Variants in EYS observed in about 807,000 individuals in gnomAD.
EYS encodes the protein protein eyes shut homolog.
A neutral mutation model predicts 282.1 loss-of-function variants in EYS; 250 were observed. The observed-to-expected ratio is 0.89, with a 90% CI of 0.80 to 0.98. The LOEUF is 0.98. Among genes scored for constraint, EYS ranks in the 50% least tolerant of loss-of-function variants. EYS has a pLI of 0.00. For missense variants in EYS, 4,016 were observed against 3,709.0 expected, an observed-to-expected ratio of 1.08 and a Z score of -2.15; for synonymous variants, 1,355 against 1,282.9, an observed-to-expected ratio of 1.06 and a Z score of -1.20.
At chr6:64,778,511 C>A (rs1773750648) in intron 22 of EYS, among the ~76,000 whole-genome samples, 1 of 152,168 alleles carries the variant, frequency 6.6e-6, no homozygotes, top group Non-Finnish European at 1.5e-5. Flanking sequence ...TGGAATACAA[C>A]TAAGAGAGCT....
At position 65,017,818 on chromosome 6, in the gene EYS, A is replaced by T. The variant is rs191716804; in HGVS notation, c.2138-20115T>A. On this transcript the variant is annotated intron_variant, in intron 13 of 42. Coordinates refer to ENST00000503581, the MANE Select transcript of EYS (RefSeq NM_001142800.2). Reference sequence around the variant, plus strand: ...GCTTTAGCTTTATTTGTAATAGGTAATGTTATTACCTTTTAGATAACAATT... The same window carrying T: ...GCTTTAGCTTTATTTGTAATAGGTATTGTTATTACCTTTTAGATAACAATT... Among the ~76,000 whole-genome samples the T allele has an allele frequency of 5.1e-3, 771 of 152,260 alleles. 13 individuals carry two copies. The South Asian group carries it at 0.059, about 12-fold the overall frequency.
intron 35 of EYS, among the ~76,000 whole-genome samples, chr6:63,924,892 T>C (rs1360291609): frequency 6.6e-6 from 1 of 152,214 alleles, no homozygotes; most frequent in Non-Finnish European, 1.5e-5. Flanking sequence ...GGATCATCAC[T>C]ATGTTTGTTG....
At chr6:65,198,365 CTAAAG>C (rs1765820536) in intron 12 of EYS, among the ~76,000 whole-genome samples, 1 of 152,102 alleles carries the variant, frequency 6.6e-6, no homozygotes, top group Non-Finnish European at 1.5e-5. Context: ...AGAATATACT[CTAAAG>C]TAACAATAAA....
chr6:64,167,424 A>T (rs1484766017), intron 31 of EYS, among the ~76,000 whole-genome samples: 1 of 152,222 alleles, frequency 6.6e-6, no homozygotes, highest in Admixed American at 6.5e-5. Context: ...CAATGCCAAT[A>T]TTCAGAATAG....
chr6:63,736,342 G>A lies in EYS; in HGVS notation c.8072-9662C>T, dbSNP rs1677789854. Among the ~76,000 whole-genome samples the A allele has an allele frequency of 2.0e-5, 3 of 152,050 alleles. 1 individual carries two copies. The South Asian group carries it at 6.2e-4, about 32-fold the overall frequency. On this transcript the variant is annotated intron_variant, in intron 41 of 42. Transcript: ENST00000503581. The stretch of plus-strand genomic sequence containing the variant: ...TTCCCAGCACCATTTATTAAATAGG[G>A]AATCCTTTCCCCATTGCTTGTTTTT...
At chr6:65,597,219 A>C (rs546536067) in intron 2 of EYS, among the ~76,000 whole-genome samples, 8 of 152,112 alleles carry the variant, frequency 5.3e-5, no homozygotes, top group Non-Finnish European at 1.2e-4. Context: ...GCTTTAAATT[A>C]CTAATACGCA....
intron 29 of EYS, among the ~76,000 whole-genome samples, chr6:64,339,456 T>C (rs1310850013): frequency 6.6e-6 from 1 of 151,924 alleles, no homozygotes; most frequent in Admixed American, 6.6e-5. Context: ...AGTATGGTCA[T>C]AATAAAAAAA....
At chr6:65,231,889 A>G (rs967590899) in intron 12 of EYS, among the ~76,000 whole-genome samples, 1 of 151,930 alleles carries the variant, frequency 6.6e-6, no homozygotes, top group Non-Finnish European at 1.5e-5. Flanking sequence ...TTGTGGTTGA[A>G]AAAGATATAA....
intron 12 of EYS, among the ~76,000 whole-genome samples, chr6:65,067,258 A>G (rs1177713758): frequency 6.6e-6 from 1 of 152,164 alleles, no homozygotes; most frequent in Non-Finnish European, 1.5e-5. Context: ...TAAAATACAT[A>G]TGTCTACACC....
At chr6:64,955,428 T>A (rs1769665508) in intron 14 of EYS, among the ~76,000 whole-genome samples, 1 of 152,126 alleles carries the variant, frequency 6.6e-6, no homozygotes, top group Admixed American at 6.6e-5. Context: ...AGAGGCTGGC[T>A]ACACACACAG....
At chr6:65,168,008 A>G (rs1321851985) in intron 12 of EYS, among the ~76,000 whole-genome samples, 2 of 151,222 alleles carry the variant, frequency 1.3e-5, no homozygotes, top group Non-Finnish European at 3.0e-5. Flanking sequence ...TTGAACAGAG[A>G]GAACAGTTAT....
rs1024746407 is a variant in EYS at position 64,004,359 on chromosome 6, A to G, written c.6726-5176T>C. 6.6e-5 allele frequency among the ~76,000 whole-genome samples: 10 copies of G among 152,128 alleles called. No homozygotes were observed. In the East Asian group the frequency reaches 1.9e-3, roughly 29 times the overall value. ...TCCCCATATTTTAACTAATATTTTA[A>G]TATACTTTCTTATAAAATGTTATTT... is the stretch of plus-strand genomic sequence containing the variant. On this transcript the variant is annotated intron_variant, in intron 33 of 42. Transcript: ENST00000503581.
At chr6:65,450,613 C>G (rs1457117062) in intron 5 of EYS, among the ~76,000 whole-genome samples, 2 of 152,090 alleles carry the variant, frequency 1.3e-5, no homozygotes, top group Non-Finnish European at 2.9e-5. Flanking sequence ...ATCCCTCCCT[C>G]TTTCAGTCAC....
chr6:65,489,892 G>A (rs1156864746), intron 5 of EYS: 1 of 152,106 alleles, frequency 6.6e-6, no homozygotes, highest in Admixed American at 6.6e-5. Flanking sequence ...TAAACCAAAC[G>A]CTGGAAGTTC....
rs1240531799 is a variant in EYS at position 64,552,610 on chromosome 6, C to T, written c.5644+37613G>A. Among the ~76,000 whole-genome samples, 3 of 152,070 alleles carry T rather than the reference C, an allele frequency of 2.0e-5. No individual in the cohort carries two copies. In the East Asian group the frequency reaches 5.8e-4, roughly 29 times the overall value. On this transcript the variant is annotated intron_variant, in intron 26 of 42. Transcript: ENST00000503581. ...TTAGATGCACTCTTTCAACTAATTG[C>T]CAATTAGAAAATCTTTGAATTTGGC...
intron 12 of EYS, among the ~76,000 whole-genome samples, chr6:65,286,364 C>T (rs1768366127): frequency 6.6e-6 from 1 of 151,686 alleles, no homozygotes; most frequent in Admixed American, 6.6e-5. Context: ...GACTCAGTTT[C>T]ATCCCATTCA....
At chr6:64,942,821 C>A (rs1255457290) in intron 15 of EYS, among the ~76,000 whole-genome samples, 6 of 133,464 alleles carry the variant, frequency 4.5e-5, no homozygotes, top group African/African-American at 1.5e-4. Context: ...TCTACTGTAA[C>A]TCTTCCAAAA....
intron 22 of EYS, among the ~76,000 whole-genome samples, chr6:64,644,123 C>G (rs764069793): frequency 2.3e-4 from 35 of 152,276 alleles, no homozygotes; most frequent in Non-Finnish European, 4.4e-4. Context: ...AGGTTACCAG[C>G]TGCAATTTTC....
intron 31 of EYS, among the ~76,000 whole-genome samples, chr6:64,145,420 A>G (rs533844690): frequency 6.6e-6 from 1 of 152,360 alleles, no homozygotes; most frequent in Non-Finnish European, 1.5e-5. Context: ...CTTAGAAATA[A>G]AAGTGTGATT....
Sources: allele counts gnomAD v4.1 joint callset (sites outside exome capture counted in the v4.1 genomes callset), GRCh38; gene constraint gnomAD v4.1.1; transcripts MANE v1.5; gene names NCBI Gene and HGNC (gene_info 2026-07-23, HGNC 2026-07-21).